RALYL: variants seen among roughly 807,000 people sequenced by gnomAD.
RALYL encodes the protein RALY RNA binding protein like.
A neutral mutation model predicts 35.1 loss-of-function variants in RALYL; 29 were observed. That is an observed-to-expected ratio of 0.83 (90% CI 0.61 to 1.13). The LOEUF is 1.13. Ranked by LOEUF, RALYL falls within the 50% of genes most tolerant of loss-of-function variation. The probability of loss-of-function intolerance (pLI) is 0.00; values close to 1 mark genes in which losing one functional copy is unlikely to be tolerated. For synonymous variants in RALYL, 120 were observed against 127.6 expected, an observed-to-expected ratio of 0.94 and a Z score of 0.40; for missense variants, 359 against 360.4, an observed-to-expected ratio of 1.00 and a Z score of 0.03.
At chr8:84,765,100 A>G (rs1057181303) in intron 2 of RALYL, among the ~76,000 whole-genome samples, 4 of 152,176 alleles carry the variant, frequency 2.6e-5, no homozygotes, top group Non-Finnish European at 5.9e-5. Flanking sequence ...AGGAAATTGC[A>G]GGCAGCACAG....
intron 2 of RALYL, among the ~76,000 whole-genome samples, chr8:84,650,410 A>G (rs1028295788): frequency 6.6e-6 from 1 of 152,204 alleles, no homozygotes; most frequent in East Asian, 1.9e-4. Flanking sequence ...AAGTAGGCGA[A>G]AGACGTGAAA....
intron 1 of RALYL, among the ~76,000 whole-genome samples, chr8:84,416,567 C>A (rs1031137629): frequency 2.6e-5 from 4 of 151,398 alleles, no homozygotes; most frequent in Admixed American, 6.6e-5. Flanking sequence ...GTATTTGAAA[C>A]CTTTTTTTTT....
intron 1 of RALYL, among the ~76,000 whole-genome samples, chr8:84,301,923 G>C (rs1017095960): frequency 1.3e-5 from 2 of 152,020 alleles, no homozygotes; most frequent in Non-Finnish European, 2.9e-5. Context: ...TTTGGAAAAT[G>C]TGTCTTTTGC....
chr8:84,539,632 G>T (rs901382178), intron 2 of RALYL, among the ~76,000 whole-genome samples: 7 of 151,650 alleles, frequency 4.6e-5, no homozygotes, highest in African/African-American at 1.7e-4. Flanking sequence ...CCTTGTAAGG[G>T]ACTTTTGTAT....
intron 1 of RALYL, among the ~76,000 whole-genome samples, chr8:84,210,094 T>C (rs1393214151): frequency 6.6e-6 from 1 of 152,098 alleles, no homozygotes; most frequent in Non-Finnish European, 1.5e-5. Flanking sequence ...TGCTTTGGAT[T>C]GACAGTACAC....
chr8:84,617,421 G>A (rs1300633002), intron 2 of RALYL, among the ~76,000 whole-genome samples: 3 of 147,850 alleles, frequency 2.0e-5, no homozygotes, highest in Non-Finnish European at 4.5e-5. Flanking sequence ...AAGAATGCTT[G>A]TGATTTTTGT....
intron 1 of RALYL, among the ~76,000 whole-genome samples, chr8:84,516,324 A>G (rs1036011808): frequency 6.6e-6 from 1 of 151,942 alleles, no homozygotes; most frequent in African/African-American, 2.4e-5. Context: ...ATAAGTGGAG[A>G]GATATACACC....
intron 5 of RALYL, among the ~76,000 whole-genome samples, chr8:84,860,998 A>G (rs1837990139): frequency 6.6e-6 from 1 of 152,208 alleles, no homozygotes. Flanking sequence ...CTAAAAATAG[A>G]TGATCACATT....
At chr8:84,403,419 C>T (rs1440078296) in intron 1 of RALYL, among the ~76,000 whole-genome samples, 1 of 150,572 alleles carries the variant, frequency 6.6e-6, no homozygotes, top group African/African-American at 2.4e-5. Flanking sequence ...ATAGGGAATA[C>T]TTACCCCATT....
chr8:84,682,698 A>T (rs1275075348), intron 2 of RALYL, among the ~76,000 whole-genome samples: 1 of 152,062 alleles, frequency 6.6e-6, no homozygotes, highest in Non-Finnish European at 1.5e-5. Context: ...CCCCTTTATC[A>T]GTTTTTATTG....
intron 2 of RALYL, among the ~76,000 whole-genome samples, chr8:84,641,899 T>A (rs1315861317): frequency 6.6e-6 from 1 of 150,914 alleles, no homozygotes; most frequent in African/African-American, 2.4e-5. Flanking sequence ...CAAAGGCAAA[T>A]ATAAAACTTA....
chr8:84,448,263 A>G (rs1587361225), intron 1 of RALYL, among the ~76,000 whole-genome samples: 1 of 151,878 alleles, frequency 6.6e-6, no homozygotes, highest in African/African-American at 2.4e-5. Flanking sequence ...GTTTGTGTGG[A>G]GGTGTACAAG....
At chr8:84,699,433 C>G (rs946599038) in intron 2 of RALYL, among the ~76,000 whole-genome samples, 1 of 152,088 alleles carries the variant, frequency 6.6e-6, no homozygotes, top group African/African-American at 2.4e-5. Flanking sequence ...TCCCAGAGTT[C>G]TAAAGGCTGG....
chr8:84,524,567 A>C (rs1331325368), intron 1 of RALYL, among the ~76,000 whole-genome samples: 1 of 152,210 alleles, frequency 6.6e-6, no homozygotes, highest in Non-Finnish European at 1.5e-5. Context: ...AGACCACTAA[A>C]TCAGCAGAAT....
At chr8:84,761,090 A>C (rs1812579120) in intron 2 of RALYL, among the ~76,000 whole-genome samples, 1 of 152,098 alleles carries the variant, frequency 6.6e-6, no homozygotes, top group African/African-American at 2.4e-5. Flanking sequence ...ACAAAAATAG[A>C]ATAGGGAATC....
intron 1 of RALYL, among the ~76,000 whole-genome samples, chr8:84,366,626 T>G (rs895508417): frequency 4.0e-5 from 6 of 151,386 alleles, no homozygotes; most frequent in African/African-American, 1.2e-4. Flanking sequence ...AATACAAAAT[T>G]TAGTTGGATG....
intron 2 of RALYL, among the ~76,000 whole-genome samples, chr8:84,731,864 C>G (rs1183062726): frequency 6.6e-6 from 1 of 152,124 alleles, no homozygotes; most frequent in Non-Finnish European, 1.5e-5. Flanking sequence ...TGTATCTTCC[C>G]TCATTTTTCC....
At chr8:84,549,977 C>T (rs1165222767) in intron 2 of RALYL, among the ~76,000 whole-genome samples, 4 of 152,086 alleles carry the variant, frequency 2.6e-5, no homozygotes, top group Non-Finnish European at 5.9e-5. Flanking sequence ...ACTGCCACCA[C>T]CACCTATCCA....
In RALYL at chr8:84,184,224, T is replaced by C. The variant is rs1811906633; in HGVS notation, c.-224T>C. Reference sequence around the variant, plus strand: ...ATGACTTTTGCACATTTGACTTTTTTAAAAAACCGAGATAATTTTATGATA... The same window carrying C: ...ATGACTTTTGCACATTTGACTTTTTCAAAAAACCGAGATAATTTTATGATA... On this transcript the variant is annotated 5_prime_UTR_variant, in exon 1 of 9. Transcript: ENST00000521268. 6.6e-6 allele frequency: 1 copy of C among 152,202 alleles called. No homozygotes were observed. The highest frequency in any genetic ancestry group is 2.4e-5 in the African/African-American group (1 of 41,420). The allele number at this position is 152,202 out of a possible 1,614,324, so 9.4% of individuals were successfully genotyped here.
Sources: gnomAD v4.1 joint callset for allele counts (sites outside exome capture counted in the v4.1 genomes callset) on GRCh38, gnomAD v4.1.1 for gene constraint, MANE v1.5 for transcripts, NCBI Gene and HGNC (gene_info 2026-07-23, HGNC 2026-07-21) for gene names.